Variants in CLCA1 observed in about 807,000 individuals in gnomAD.
The protein encoded by CLCA1 is calcium-activated chloride channel regulator 1.
In CLCA1, 59 loss-of-function variants were observed where a neutral mutation model predicts 85.6. That is an observed-to-expected ratio of 0.69 (90% CI 0.56 to 0.86). The LOEUF (loss-of-function observed/expected upper bound fraction) is 0.86, where lower values mean the gene tolerates loss of function less well. CLCA1 is among the 40% of genes least tolerant of loss of function. CLCA1 has a pLI of 0.00. For synonymous variants in CLCA1, 396 were observed against 398.3 expected (o/e 0.99, Z 0.07); for missense variants, 1,022 against 1,101.4 (o/e 0.93, Z 1.02).
intron 8 of CLCA1, among the ~76,000 whole-genome samples, chr1:86,489,595 A>C (rs1301382822): frequency 1.3e-5 from 2 of 152,240 alleles, no homozygotes; most frequent in East Asian, 3.8e-4. Flanking sequence ...AAAAGCATTC[A>C]AGAAACAGGA....
chr1:86,471,981 C>A (rs1647509371), intron 1 of CLCA1, among the ~76,000 whole-genome samples: 1 of 151,864 alleles, frequency 6.6e-6, no homozygotes, highest in Non-Finnish European at 1.5e-5. Context: ...TCTGTTCCCG[C>A]AAGGACTTTG....
intron 8 of CLCA1, among the ~76,000 whole-genome samples, chr1:86,489,756 C>G (rs996709496): frequency 6.6e-6 from 1 of 152,188 alleles, no homozygotes; most frequent in Non-Finnish European, 1.5e-5. Flanking sequence ...CCATGTGTCA[C>G]CAGCTTCTTT....
chr1:86,495,715 C>A, intron 12 of CLCA1, 40 bp downstream of exon 12: 1 of 1,555,214 alleles, frequency 6.4e-7, no homozygotes, highest in Non-Finnish European at 8.7e-7. Flanking sequence ...TGTGCAAAAG[C>A]ATTGGTTTCA....
intron 4 of CLCA1, among the ~76,000 whole-genome samples, chr1:86,477,260 A>G (rs568779568): frequency 6.6e-6 from 1 of 152,334 alleles, no homozygotes; most frequent in South Asian, 2.1e-4. Flanking sequence ...GTGAGCCACC[A>G]TGCCCGGCCC....
Position 86,495,555 on chromosome 1 carries a change from T to TC in CLCA1, c.1993_1994insC (p.Tyr665SerfsTer2). On this transcript the variant is annotated frameshift_variant, in exon 12 of 14. Coordinates refer to ENST00000394711, the MANE Select transcript of CLCA1 (RefSeq NM_001285.4). LOFTEE classifies it high-confidence loss of function. ...TGTCTACTCAAGGTATTTCACAACT[T>TC]ATGACACGAATGGTAGATACAGTGT... The TC allele has an allele frequency of 6.2e-7, 1 of 1,614,086 alleles. No homozygotes were observed. Among genetic ancestry groups the TC allele is most frequent in the Non-Finnish European group, 8.5e-7 (1 of 1,179,956 alleles).
intron 1 of CLCA1, among the ~76,000 whole-genome samples, chr1:86,470,317 G>C (rs542897911): frequency 6.6e-6 from 1 of 152,336 alleles, no homozygotes; most frequent in Admixed American, 6.5e-5. Context: ...GGATCAGGCT[G>C]TCTGTGGTAA....
rs191959196 is a variant in CLCA1 at position 86,474,006 on chromosome 1, T to C, written c.451+130T>C. 4.5e-5 allele frequency: 26 copies of C among 583,358 alleles called. No individual in the cohort carries two copies. The Admixed American group carries it at 9.4e-4, about 21-fold the overall frequency. The allele number at this position is 583,358 out of a possible 1,614,324, so 36.1% of individuals were successfully genotyped here. A position where few individuals can be genotyped will look rare whatever the true frequency, so the allele number is the denominator to read the frequency against. The stretch of plus-strand genomic sequence containing the variant: ...ATTAGAGATAAAACATCATAGCATT[T>C]TTCACTTAAAATAGAACATGCATTT... On this transcript the variant is annotated intron_variant, in intron 3 of 13. Transcript: ENST00000394711.
At chr1:86,483,000 C>T (rs996059704) in intron 5 of CLCA1, among the ~76,000 whole-genome samples, 3 of 152,170 alleles carry the variant, frequency 2.0e-5, no homozygotes, top group Non-Finnish European at 2.9e-5. Flanking sequence ...CATCAGTTAA[C>T]TGACTTCAGT....
At position 86,484,123 on chromosome 1, in the gene CLCA1, C is replaced by A. The variant is rs114368026; in HGVS notation, c.736-1220C>A. ...CTCCCACCAGATCCCTCCCTCGACA[C>A]GTGGGGATTACAAATCAAGATGAGA... On this transcript the variant is annotated intron_variant, in intron 5 of 13. Transcript: ENST00000394711. Among the ~76,000 whole-genome samples the A allele has an allele frequency of 6.6e-3, 1,006 of 152,218 alleles. 8 individuals carry two copies. Among genetic ancestry groups the A allele is most frequent in the Non-Finnish European group, 0.011 (750 of 68,008 alleles).
At chr1:86,477,645 A>G (rs372118443) in intron 4 of CLCA1, among the ~76,000 whole-genome samples, 1 of 152,266 alleles carries the variant, frequency 6.6e-6, no homozygotes, top group African/African-American at 2.4e-5. Context: ...TTCAAATAAA[A>G]GGATAGTAAA....
intron 12 of CLCA1, among the ~76,000 whole-genome samples, chr1:86,498,119 C>G (rs1431491323): frequency 6.9e-6 from 1 of 145,480 alleles, no homozygotes; most frequent in Admixed American, 7.1e-5. Flanking sequence ...GCCTGGATGA[C>G]AAGAGCGAAA....
chr1:86,498,051 G>A (rs917476753), intron 12 of CLCA1, among the ~76,000 whole-genome samples: 2 of 152,100 alleles, frequency 1.3e-5, no homozygotes, highest in East Asian at 3.9e-4. Flanking sequence ...GCTGAGGCAG[G>A]AGAATCACCT....
Position 86,495,643 on chromosome 1 carries a change from G to A in CLCA1, c.2081G>A (p.Gly694Glu), listed in dbSNP as rs368950561. 12 of 1,613,948 alleles carry A rather than the reference G, an allele frequency of 7.4e-6. No individual in the cohort carries two copies. Among genetic ancestry groups the A allele is most frequent in the Non-Finnish European group, 1.0e-5 (12 of 1,179,972 alleles). The change falls in exon 12 of 14, where the codon GGA becomes GAA. Residue 694 changes from glycine to glutamate, a missense_variant. Gly to Glu is a moderately conservative substitution (Grantham distance 98, BLOSUM62 -2). Coordinates refer to ENST00000394711, the MANE Select transcript of CLCA1 (RefSeq NM_001285.4). ...CGGAGAGTGATACCCCAGCAGAGTG[G>A]AGCACTGTACATACCTGGCTGGATT... Reference protein sequence around the residue: ...ARRRVIPQQSGALYIPGWIEN... With the variant: ...ARRRVIPQQSEALYIPGWIEN...
chr1:86,479,220 A>G (rs1339098203), intron 4 of CLCA1, among the ~76,000 whole-genome samples: 1 of 152,248 alleles, frequency 6.6e-6, no homozygotes, highest in African/African-American at 2.4e-5. Flanking sequence ...TTTTCCATAT[A>G]TTAGCAATAA....
intron 12 of CLCA1, among the ~76,000 whole-genome samples, chr1:86,496,625 C>T (rs1001361870): frequency 6.6e-6 from 1 of 152,190 alleles, no homozygotes; most frequent in Non-Finnish European, 1.5e-5. Context: ...CTTTGAGAAC[C>T]TTCCCACTGT....
At chr1:86,498,331 C>T (rs1570293432) in intron 12 of CLCA1, among the ~76,000 whole-genome samples, 1 of 152,068 alleles carries the variant, frequency 6.6e-6, no homozygotes, top group Non-Finnish European at 1.5e-5. Flanking sequence ...GGTTATTCCA[C>T]TAAATATCCA....
At chr1:86,470,955 G>A (rs544231859) in intron 1 of CLCA1, among the ~76,000 whole-genome samples, 13 of 152,234 alleles carry the variant, frequency 8.5e-5, no homozygotes, top group Admixed American at 5.9e-4. Context: ...GCAGTTAATC[G>A]CTCTGCACCA....
In CLCA1 at chr1:86,495,622, G is replaced by C; in HGVS notation, c.2060G>C (p.Arg687Thr). The C allele has an allele frequency of 6.2e-7, 1 of 1,614,146 alleles. No individual in the cohort carries two copies. Among genetic ancestry groups the C allele is most frequent in the Non-Finnish European group, 8.5e-7 (1 of 1,180,008 alleles). ...GGAGGAGTTAACGCAGCCAGACGGA[G>C]AGTGATACCCCAGCAGAGTGGAGCA... ...ALGGVNAARR[R>T]VIPQQSGALY... The change falls in exon 12 of 14, where the codon AGA becomes ACA. Residue 687 changes from arginine to threonine, a missense_variant. Arg to Thr is a moderately conservative substitution (Grantham distance 71). Transcript: ENST00000394711.
chr1:86,471,963 C>T (rs1027146290), intron 1 of CLCA1, among the ~76,000 whole-genome samples: 1 of 152,104 alleles, frequency 6.6e-6, no homozygotes, highest in African/African-American at 2.4e-5. Context: ...GGAGTCTAGT[C>T]ACTCTGGTCT....
Sources: gnomAD v4.1 joint callset for allele counts (sites outside exome capture counted in the v4.1 genomes callset) on GRCh38, gnomAD v4.1.1 for gene constraint, MANE v1.5 for transcripts, NCBI Gene and HGNC (gene_info 2026-07-23, HGNC 2026-07-21) for gene names.